The following INVS variants were observed in gnomAD, a reference collection of about 807,000 sequenced individuals.
INVS encodes inversion of embryo turning homolog.
Under a neutral mutation model 108.8 loss-of-function variants are expected in INVS, and 86 were observed. The ratio of observed to expected loss-of-function variants is 0.79; its 90% CI spans 0.66 to 0.95. The LOEUF (loss-of-function observed/expected upper bound fraction) is 0.95, where lower values mean the gene tolerates loss of function less well. Among genes scored for constraint, INVS ranks in the 40% least tolerant of loss-of-function variants. INVS has a pLI of 0.00. For missense variants in INVS, 1,169 were observed against 1,297.4 expected (o/e 0.90, Z 1.52); for synonymous variants, 455 against 473.5 (o/e 0.96, Z 0.51).
At chr9:100,168,168 G>A (rs1277447531) in intron 3 of INVS, among the ~76,000 whole-genome samples, 3 of 152,046 alleles carry the variant, frequency 2.0e-5, no homozygotes, top group Admixed American at 6.5e-5. Context: ...CAGAATGTTT[G>A]TATTGACAAA....
At chr9:100,282,170 C>A (rs875522) in intron 12 of INVS, among the ~76,000 whole-genome samples, 29,666 of 152,128 alleles carry the variant, frequency 0.2, 3,360 homozygotes, top group Non-Finnish European at 0.26. Context: ...CTATTAGCAG[C>A]ACTTCAGCCA....
chr9:100,241,500 G>A (rs942058572), intron 6 of INVS, among the ~76,000 whole-genome samples: 26 of 151,828 alleles, frequency 1.7e-4, no homozygotes, highest in Admixed American at 1.7e-3. Flanking sequence ...GCACTAAGTC[G>A]AGGATACCAG....
At chr9:100,175,828 C>T in intron 3 of INVS, 1 of 667,036 alleles carries the variant, frequency 1.5e-6, no homozygotes, top group Non-Finnish European at 2.7e-6. Context: ...GCACCCAATC[C>T]TGGAACAATC....
intron 13 of INVS, among the ~76,000 whole-genome samples, chr9:100,287,263 A>G (rs1019199946): frequency 2.1e-4 from 32 of 152,204 alleles, no homozygotes; most frequent in Admixed American, 7.9e-4. Flanking sequence ...TCAGGACAGC[A>G]TTTTCAGAAA....
intron 3 of INVS, among the ~76,000 whole-genome samples, chr9:100,224,946 G>C (rs1031127115): frequency 1.3e-5 from 2 of 151,932 alleles, no homozygotes; most frequent in Admixed American, 1.3e-4. Flanking sequence ...GATTCTACCA[G>C]ACTGGAGGAT....
At chr9:100,130,333 G>C (rs1482091871) in intron 3 of INVS, 1 of 152,060 alleles carries the variant, frequency 6.6e-6, no homozygotes, top group African/African-American at 2.4e-5. Context: ...TACATGATCA[G>C]TGTATTTTAG....
intron 6 of INVS, among the ~76,000 whole-genome samples, chr9:100,241,978 T>C (rs1831888816): frequency 6.6e-6 from 1 of 152,204 alleles, no homozygotes. Flanking sequence ...TGCACTACAT[T>C]GTCTTCATCG....
At chr9:100,138,859 A>C (rs1260292304) in intron 3 of INVS, among the ~76,000 whole-genome samples, 1 of 151,178 alleles carries the variant, frequency 6.6e-6, no homozygotes, top group African/African-American at 2.5e-5. Flanking sequence ...GGGGCCTGCC[A>C]CCACGCCTGG....
chr9:100,100,731 A>T lies in INVS; in HGVS notation c.-25+1315A>T, dbSNP rs867428819. ...AATATATATATTATATGTACATATA[A>T]TATATATATTATATGTACATATAAT... On this transcript the variant is annotated intron_variant, in intron 1 of 16. Transcript: ENST00000262457. Among the ~76,000 whole-genome samples, 48 of 24,360 alleles carry T rather than the reference A, an allele frequency of 2.0e-3. 5 individuals carry two copies. Among genetic ancestry groups the T allele is most frequent in the African/African-American group, 1.9e-3 (6 of 3,164 alleles). The allele number at this position is 24,360 out of a possible 152,430, so 16.0% of individuals were successfully genotyped here.
intron 3 of INVS, among the ~76,000 whole-genome samples, chr9:100,202,103 T>A (rs537617964): frequency 1.3e-5 from 2 of 152,036 alleles, no homozygotes; most frequent in South Asian, 2.1e-4. Flanking sequence ...TTTTTTTTTT[T>A]TTATTTTGAC....
intron 3 of INVS, among the ~76,000 whole-genome samples, chr9:100,127,739 G>A (rs1365574592): frequency 6.6e-6 from 1 of 152,110 alleles, no homozygotes; most frequent in African/African-American, 2.4e-5. Context: ...AGTTAGGTCT[G>A]TCAGGTTATT....
At chr9:100,227,531 A>G (rs1283372790) in intron 4 of INVS, among the ~76,000 whole-genome samples, 1 of 152,208 alleles carries the variant, frequency 6.6e-6, no homozygotes, top group Admixed American at 6.5e-5. Context: ...AAGAGATTTT[A>G]AAGCAACTTC....
At chr9:100,184,485 C>G (rs578171190) in intron 3 of INVS, among the ~76,000 whole-genome samples, 2 of 152,148 alleles carry the variant, frequency 1.3e-5, no homozygotes, top group Admixed American at 1.3e-4. Context: ...AAGTCCTCAC[C>G]ATTTTGTAAA....
chr9:100,125,496 C>A (rs1450650736), intron 2 of INVS, among the ~76,000 whole-genome samples: 1 of 152,096 alleles, frequency 6.6e-6, no homozygotes, highest in Non-Finnish European at 1.5e-5. Flanking sequence ...GAAAACGCTT[C>A]AGGGAACTTA....
intron 3 of INVS, among the ~76,000 whole-genome samples, chr9:100,144,396 C>T (rs1221013900): frequency 6.6e-6 from 1 of 152,034 alleles, no homozygotes; most frequent in Non-Finnish European, 1.5e-5. Flanking sequence ...ACTGGGTAAT[C>T]AAATGTATAT....
intron 2 of INVS, among the ~76,000 whole-genome samples, chr9:100,124,214 G>C (rs1198963367): frequency 1.4e-5 from 2 of 145,290 alleles, no homozygotes; most frequent in Admixed American, 6.9e-5. Context: ...GTGTGTGTGT[G>C]TATGATTGTT....
chr9:100,219,618 T>C (rs996732524), intron 3 of INVS, among the ~76,000 whole-genome samples: 7 of 152,196 alleles, frequency 4.6e-5, no homozygotes, highest in Non-Finnish European at 5.9e-5. Flanking sequence ...GAAATTCTTA[T>C]GTACTTACCA....
intron 8 of INVS, among the ~76,000 whole-genome samples, chr9:100,250,364 T>C (rs1832190915): frequency 6.6e-6 from 1 of 152,120 alleles, no homozygotes; most frequent in Admixed American, 6.5e-5. Context: ...TGAAAAAAAT[T>C]CTAGAGTCAT....
intron 3 of INVS, among the ~76,000 whole-genome samples, chr9:100,146,298 T>TGGCA (rs373178844): frequency 2.0e-5 from 3 of 151,244 alleles, no homozygotes; most frequent in African/African-American, 7.3e-5. Flanking sequence ...GGTTGTTCTC[T>TGGCA]GGCAGGAGTG....
Sources: allele counts gnomAD v4.1 joint callset (sites outside exome capture counted in the v4.1 genomes callset), GRCh38; gene constraint gnomAD v4.1.1; transcripts MANE v1.5; gene names NCBI Gene and HGNC (gene_info 2026-07-23, HGNC 2026-07-21).